ABCA6: variants seen among roughly 807,000 people sequenced by gnomAD.
The protein encoded by ABCA6 is ATP binding cassette subfamily A member 6.
A neutral mutation model predicts 191.2 loss-of-function variants in ABCA6; 164 were observed. That is an observed-to-expected ratio of 0.86 (90% CI 0.76 to 0.98). The LOEUF is 0.98. Ranked by LOEUF, ABCA6 falls within the 50% of genes least tolerant of loss-of-function variation. The pLI is 0.00. For synonymous variants in ABCA6, 636 were observed against 647.7 expected, an observed-to-expected ratio of 0.98 and a Z score of 0.27; for missense variants, 1,958 against 1,894.1, an observed-to-expected ratio of 1.03 and a Z score of -0.63.
chr17:69,091,382 C>T, intron 25 of ABCA6, 120 bp from the exon 26 acceptor site: 1 of 1,053,684 alleles, frequency 9.5e-7, no homozygotes, highest in Non-Finnish European at 1.4e-6. Context: ...TGCAGATATA[C>T]CCATTTGACA....
intron 23 of ABCA6, among the ~76,000 whole-genome samples, chr17:69,097,120 T>TG (rs1317229437): frequency 6.6e-6 from 1 of 152,178 alleles, no homozygotes; most frequent in Non-Finnish European, 1.5e-5. Context: ...TTGGCCAGCA[T>TG]GGTGGCTCAC....
At chr17:69,108,713 T>C (rs1403271107) in intron 17 of ABCA6, 1 of 152,060 alleles carries the variant, frequency 6.6e-6, no homozygotes, top group African/African-American at 2.4e-5. Flanking sequence ...CCAATGACAT[T>C]ATTGAGAGGA....
intron 16 of ABCA6, 153 bp downstream of exon 16, chr17:69,112,030 A>G (rs943280471): frequency 4.9e-6 from 3 of 607,268 alleles, no homozygotes; most frequent in Non-Finnish European, 8.8e-6. Context: ...AAGACACAGG[A>G]GGAAGGAAAG....
At chr17:69,123,723 T>G (rs1380896829) in intron 9 of ABCA6, among the ~76,000 whole-genome samples, 1 of 152,098 alleles carries the variant, frequency 6.6e-6, no homozygotes, top group Non-Finnish European at 1.5e-5. Flanking sequence ...CCAGCTGAGT[T>G]GGACTCCAGC....
At chr17:69,119,165 C>A (rs2073593064) in intron 10 of ABCA6, among the ~76,000 whole-genome samples, 1 of 152,024 alleles carries the variant, frequency 6.6e-6, no homozygotes, top group Non-Finnish European at 1.5e-5. Context: ...TTTAAATGTT[C>A]TTCCAAATGA....
intron 21 of ABCA6, among the ~76,000 whole-genome samples, chr17:69,101,387 G>A (rs536310392): frequency 1.3e-5 from 2 of 152,196 alleles, no homozygotes; most frequent in Middle Eastern, 3.4e-3. Context: ...TTGAGGTTAG[G>A]AGTTTGAGAC....
At chr17:69,134,515 C>A in intron 5 of ABCA6, 124 bp downstream of exon 5, 1 of 690,776 alleles carries the variant, frequency 1.4e-6, no homozygotes, top group Non-Finnish European at 2.4e-6. Context: ...TTACAAATTA[C>A]CCAATCTCAA....
At chr17:69,110,055 C>G (rs2073391598) in intron 17 of ABCA6, 2 of 152,150 alleles carry the variant, frequency 1.3e-5, no homozygotes, top group African/African-American at 4.8e-5. Context: ...AAGTTACAGC[C>G]ACAATGCGTG....
At chr17:69,139,437 T>C (rs1184909978) in intron 2 of ABCA6, among the ~76,000 whole-genome samples, 1 of 152,102 alleles carries the variant, frequency 6.6e-6, no homozygotes, top group Non-Finnish European at 1.5e-5. Flanking sequence ...CATTAAAAAG[T>C]CAAGAAACAA....
intron 30 of ABCA6, 136 bp from the exon 31 acceptor site, chr17:69,085,852 C>A (rs898536867): frequency 3.3e-6 from 2 of 612,108 alleles, no homozygotes; most frequent in Non-Finnish European, 5.8e-6. Context: ...TATATGTAAT[C>A]CACGTCACCA....
Position 69,092,171 on chromosome 17 carries a change from T to C in ABCA6, c.3409-909A>G, listed in dbSNP as rs149347792. On this transcript the variant is annotated intron_variant, in intron 25 of 38. Coordinates refer to ENST00000284425, the MANE Select transcript of ABCA6 (RefSeq NM_080284.3). Reference sequence around the variant, plus strand: ...TTTGTTTGTTTGTTTTAAGAATCAATTGATCAGCCAAGTATGTATTGAGCA... The same window carrying C: ...TTTGTTTGTTTGTTTTAAGAATCAACTGATCAGCCAAGTATGTATTGAGCA... 5.3e-5 allele frequency among the ~76,000 whole-genome samples: 8 copies of C among 152,340 alleles called. No homozygotes were observed. The East Asian group carries it at 1.5e-3, about 29-fold the overall frequency.
intron 6 of ABCA6, 43 bp from the exon 7 acceptor site, chr17:69,129,794 T>C: frequency 7.1e-7 from 1 of 1,415,216 alleles, no homozygotes; most frequent in South Asian, 1.3e-5. Flanking sequence ...TTAACTTATT[T>C]ACAAAATATT....
At chr17:69,108,346 C>A in intron 17 of ABCA6, 1 of 153,420 alleles carries the variant, frequency 6.5e-6, no homozygotes, top group Non-Finnish European at 1.5e-5. Context: ...ACTTGGAGTG[C>A]CCTTGACCAT....
chr17:69,122,093 A>T (rs972191860), intron 10 of ABCA6, among the ~76,000 whole-genome samples: 2 of 152,062 alleles, frequency 1.3e-5, no homozygotes, highest in Admixed American at 1.3e-4. Context: ...AAGAGCATAG[A>T]CTGTAGAGCC....
At chr17:69,118,821 C>T (rs1463338481) in intron 10 of ABCA6, among the ~76,000 whole-genome samples, 3 of 151,944 alleles carry the variant, frequency 2.0e-5, no homozygotes, top group African/African-American at 4.8e-5. Flanking sequence ...GAAGTTTTCT[C>T]GTTGGATTTT....
chr17:69,098,676 T>C (rs2073106551), intron 22 of ABCA6: 1 of 116,042 alleles, frequency 8.6e-6, no homozygotes, highest in Non-Finnish European at 1.9e-5. Context: ...TGCTACAACA[T>C]AGACGAACCT....
Position 69,105,478 on chromosome 17 carries a change from C to A in ABCA6, c.2724G>T (p.Leu908Phe), listed in dbSNP as rs143585625. The change falls in exon 20 of 39, where the codon TTG (leucine) becomes TTT (phenylalanine). Residue 908 changes from leucine to phenylalanine, a missense_variant. Leu to Phe is a conservative substitution (Grantham distance 22). Transcript: ENST00000284425. Reference sequence around the variant, plus strand: ...TCTTTTCACCTGTGTTATTGATGATCAACAGGCTGGTACGGGGTTCCTGGG... The same window carrying A: ...TCTTTTCACCTGTGTTATTGATGATAAACAGGCTGGTACGGGGTTCCTGGG... ...QLPQEPRTSL[L>F]IINNTESNIE... is the part of the protein sequence containing the mutation. 4.4e-6 allele frequency: 7 copies of A among 1,604,862 alleles called. No homozygotes were observed. The highest frequency in any genetic ancestry group is 3.4e-5 in the South Asian group (3 of 88,506).
intron 19 of ABCA6, 90 bp downstream of exon 19, chr17:69,105,938 A>G: frequency 7.3e-7 from 1 of 1,372,808 alleles, no homozygotes; most frequent in Admixed American, 2.4e-5. Context: ...CAGGAATGTC[A>G]GATATTGCGT....
chr17:69,085,768 T>A (rs1372815024), intron 30 of ABCA6, 52 bp from the exon 31 acceptor site: 3 of 1,274,920 alleles, frequency 2.4e-6, no homozygotes, highest in Admixed American at 1.9e-5. Context: ...CTGAACAACA[T>A]AAACCTTTTG....
Sources: gnomAD v4.1 joint callset for allele counts (sites outside exome capture counted in the v4.1 genomes callset) on GRCh38, gnomAD v4.1.1 for gene constraint, MANE v1.5 for transcripts, NCBI Gene and HGNC (gene_info 2026-07-23, HGNC 2026-07-21) for gene names.